KDM6A: variants seen among roughly 807,000 people sequenced by gnomAD.
KDM6A encodes the protein lysine demethylase 6A.
In KDM6A, 11 loss-of-function variants were observed where a neutral mutation model predicts 117.6. The ratio of observed to expected loss-of-function variants is 0.09; its 90% confidence interval spans 0.06 to 0.15. The LOEUF (loss-of-function observed/expected upper bound fraction) is 0.15. Ranked by LOEUF, KDM6A falls within the 10% of genes least tolerant of loss-of-function variation. KDM6A has a pLI of 1.00. For synonymous variants in KDM6A, 384 were observed against 396.1 expected, an observed-to-expected ratio of 0.97 and a Z score of 0.36; for missense variants, 799 against 1,077.3, an observed-to-expected ratio of 0.74 and a Z score of 3.62.
At chrX:45,068,590 A>G (rs1407184462) in intron 17 of KDM6A, among the ~76,000 whole-genome samples, 1 of 104,776 alleles carries the variant, frequency 9.5e-6, no homozygotes, top group African/African-American at 3.5e-5. Flanking sequence ...GAGAGACACA[A>G]GGTTCTGCTC....
chrX:44,907,346 C>T (rs931282689), intron 2 of KDM6A, among the ~76,000 whole-genome samples: 1 of 108,887 alleles, frequency 9.2e-6, no homozygotes, highest in Non-Finnish European at 1.9e-5. Context: ...GGTGCCATCT[C>T]GGCTGACTGC....
At chrX:45,042,292 GGGAGAGGGGAGAGGGAGAGT>G (rs2043298831) in intron 8 of KDM6A, among the ~76,000 whole-genome samples, 1 of 73,691 alleles carries the variant, frequency 1.4e-5, no homozygotes, top group African/African-American at 9.9e-5. Context: ...GAGGGGAGAG[GGGAGAGGGGAGAGGGAGAGT>G]CATTTGATAA....
chrX:44,953,558 ATC>A (rs1300178714), intron 2 of KDM6A, among the ~76,000 whole-genome samples: 2 of 111,931 alleles, frequency 1.8e-5, no homozygotes, highest in East Asian at 2.8e-4. Flanking sequence ...GCATGATATA[ATC>A]TCTTTTTTCT....
chrX:44,978,705 A>C (rs1273627319), intron 4 of KDM6A, among the ~76,000 whole-genome samples: 1 of 112,138 alleles, frequency 8.9e-6, no homozygotes, highest in Non-Finnish European at 1.9e-5. Context: ...CATAATGAAG[A>C]TATAGAACAT....
intron 8 of KDM6A, among the ~76,000 whole-genome samples, chrX:45,050,058 C>T (rs2043765262): frequency 8.9e-6 from 1 of 112,670 alleles, no homozygotes; most frequent in Admixed American, 9.4e-5. Flanking sequence ...AACTCTGGAT[C>T]GCTGGACGCG....
At chrX:44,943,327 C>G (rs1235900542) in intron 2 of KDM6A, among the ~76,000 whole-genome samples, 2 of 109,398 alleles carry the variant, frequency 1.8e-5, no homozygotes, top group African/African-American at 6.8e-5. Context: ...AAGTGTATAC[C>G]TTAATTGAAA....
intron 3 of KDM6A, among the ~76,000 whole-genome samples, chrX:44,963,483 G>GTGTGTGTGTC (rs1481840859): frequency 7.3e-4 from 30 of 40,887 alleles, no homozygotes; most frequent in African/African-American, 2.1e-3. Context: ...GTGTGTGTGT[G>GTGTGTGTGTC]TGTCTGTCTG....
intron 26 of KDM6A, 120 bp downstream of exon 26, chrX:45,090,050 A>C: frequency 1.9e-6 from 1 of 535,206 alleles, no homozygotes; most frequent in Non-Finnish European, 3.0e-6. Context: ...CTCCTTGCAT[A>C]GAATTGTAAT....
intron 17 of KDM6A, among the ~76,000 whole-genome samples, chrX:45,068,743 T>C (rs1261658829): frequency 9.2e-6 from 1 of 108,606 alleles, no homozygotes; most frequent in Non-Finnish European, 1.9e-5. Context: ...GTCTGCCTGC[T>C]TTCCTTCCCT....
chrX:45,088,574 T>A (rs1602979836), intron 25 of KDM6A, among the ~76,000 whole-genome samples: 1 of 113,500 alleles, frequency 8.8e-6, no homozygotes, highest in East Asian at 2.8e-4. Flanking sequence ...AAAATTAAAT[T>A]TAAACCAGTA....
intron 19 of KDM6A, 127 bp downstream of exon 19, chrX:45,076,953 T>G: frequency 8.3e-5 from 40 of 481,121 alleles, no homozygotes; most frequent in East Asian, 2.8e-4. Context: ...TTAAATAGTT[T>G]GGGGGCGGGG....
intron 8 of KDM6A, among the ~76,000 whole-genome samples, chrX:45,051,354 A>G (rs1410297239): frequency 8.9e-6 from 1 of 111,881 alleles, no homozygotes; most frequent in African/African-American, 3.2e-5. Context: ...CAGTGTTTCT[A>G]GGCAGACAGA....
intron 10 of KDM6A, among the ~76,000 whole-genome samples, chrX:45,058,472 G>A (rs1315645134): frequency 9.1e-6 from 1 of 109,985 alleles, no homozygotes; most frequent in Non-Finnish European, 1.9e-5. Flanking sequence ...TACTATTTTT[G>A]ATACTTAGTT....
chrX:44,876,830 C>T (rs1569322207), intron 2 of KDM6A, among the ~76,000 whole-genome samples: 1 of 110,717 alleles, frequency 9.0e-6, no homozygotes, highest in African/African-American at 3.3e-5. Flanking sequence ...TTAAATATGT[C>T]TCTTACTTGT....
Position 45,082,576 on chromosome X carries a change from G to C in KDM6A, c.3301G>C (p.Glu1101Gln), listed in dbSNP as rs1271555870. Residue 1101 changes from glutamate to glutamine, a missense_variant and splice_region_variant, in exon 22 of 30, where the codon GAA becomes CAA. Coordinates refer to ENST00000611820, the MANE Select transcript of KDM6A (RefSeq NM_001291415.2). ...AGACTGCTTTTTGCTTAATCTATAG[G>C]AAGAAAATGAAAAAAGAAGTCATCA... Reference protein sequence around the residue: ...QASSFQESLREENEKRSHHKD... With the variant: ...QASSFQESLRQENEKRSHHKD... The C allele has an allele frequency of 1.7e-6, 2 of 1,173,572 alleles. No individual in the cohort carries two copies. Among genetic ancestry groups the C allele is most frequent in the East Asian group, 5.9e-5 (2 of 33,627 alleles).
At chrX:44,970,953 C>G (rs1029062091) in intron 3 of KDM6A, among the ~76,000 whole-genome samples, 5 of 111,283 alleles carry the variant, frequency 4.5e-5, no homozygotes, top group Non-Finnish European at 9.4e-5. Flanking sequence ...TGTCTGTCAT[C>G]TATAAATCAG....
intron 8 of KDM6A, among the ~76,000 whole-genome samples, chrX:45,044,088 A>G (rs776486151): frequency 8.9e-6 from 1 of 112,290 alleles, no homozygotes; most frequent in South Asian, 3.7e-4. Flanking sequence ...TATAGCTTAG[A>G]TGTGTAGTAG....
At chrX:45,091,585 A>G (rs1401549497) in intron 27 of KDM6A, among the ~76,000 whole-genome samples, 1 of 111,887 alleles carries the variant, frequency 8.9e-6, no homozygotes, top group African/African-American at 3.2e-5. Context: ...CAAGTCCTTT[A>G]TTTTTTGTAA....
chrX:44,926,208 C>G (rs888293129), intron 2 of KDM6A, among the ~76,000 whole-genome samples: 5 of 109,838 alleles, frequency 4.6e-5, no homozygotes, highest in African/African-American at 1.7e-4. Flanking sequence ...GTAGCTGGGA[C>G]TACAGGCTCA....
Sources: gnomAD v4.1 joint callset for allele counts (sites outside exome capture counted in the v4.1 genomes callset) on GRCh38, gnomAD v4.1.1 for gene constraint, MANE v1.5 for transcripts, NCBI Gene and HGNC (gene_info 2026-07-23, HGNC 2026-07-21) for gene names.